Variants in FMN2 observed in about 807,000 individuals in gnomAD.
FMN2 encodes formin-2.
A neutral mutation model predicts 142.3 loss-of-function variants in FMN2; 51 were observed. The observed-to-expected ratio is 0.36, with a 90% confidence interval of 0.29 to 0.45. The LOEUF (loss-of-function observed/expected upper bound fraction) is 0.45. Among genes scored for constraint, FMN2 ranks in the 20% least tolerant of loss-of-function variants. The probability of loss-of-function intolerance (pLI) is 1.00; values close to 1 mark genes in which losing one functional copy is unlikely to be tolerated. For missense variants in FMN2, 1,936 were observed against 2,122.8 expected (o/e 0.91, Z 1.73); for synonymous variants, 882 against 869.8 (o/e 1.01, Z -0.25).
At chr1:240,344,648 C>T (rs1044889920) in intron 13 of FMN2, among the ~76,000 whole-genome samples, 2 of 152,056 alleles carry the variant, frequency 1.3e-5, no homozygotes, top group African/African-American at 4.8e-5. Context: ...TCATTCAAGT[C>T]ATTAGTCGTT....
In FMN2 at chr1:240,207,623, ACCCGGAGCGGGAATACCTCCTCC is replaced by A. The variant is rs1666436829; in HGVS notation, c.2812_2834del (p.Pro938AlafsTer307). The A allele has an allele frequency of 8.9e-7, 1 of 1,125,830 alleles. No homozygotes were observed. The highest frequency in any genetic ancestry group is 3.2e-5 in the African/African-American group (1 of 31,192). 69.7% of individuals were successfully genotyped at this position (1,125,830 alleles called of 1,614,324 possible). A position where few individuals can be genotyped will look rare whatever the true frequency, so the allele number is the denominator to read the frequency against. ...CAGGCATACTCCCTCTGCCCCCTCT[ACCCGGAGCGGGAATACCTCCTCC>A]GCCCCCTCTACCCGGAGCGGCAATA... On this transcript the variant is annotated frameshift_variant, in exon 5 of 18. Coordinates refer to ENST00000319653, the MANE Select transcript of FMN2 (RefSeq NM_020066.5). LOFTEE classifies it high-confidence loss of function.
chr1:240,141,516 C>T (rs543564363), intron 2 of FMN2, among the ~76,000 whole-genome samples: 64 of 151,912 alleles, frequency 4.2e-4, no homozygotes, highest in African/African-American at 1.4e-3. Flanking sequence ...TACAGGTGCC[C>T]GCCACCACAC....
intron 11 of FMN2, among the ~76,000 whole-genome samples, chr1:240,333,062 C>T (rs1055070992): frequency 2.0e-5 from 3 of 152,028 alleles, no homozygotes; most frequent in African/African-American, 7.2e-5. Flanking sequence ...TTAAACATTC[C>T]AGAGAATGTA....
intron 2 of FMN2, among the ~76,000 whole-genome samples, 171 bp downstream of exon 2, chr1:240,123,516 A>AAAAG (rs1553327808): frequency 1.3e-5 from 2 of 151,364 alleles, no homozygotes; most frequent in Non-Finnish European, 2.9e-5. Context: ...AAAAAAAAAA[A>AAAAG]AAAAAAGAAA....
Position 240,294,804 on chromosome 1 carries a change from C to A in FMN2, c.4154-18C>A, listed in dbSNP as rs1284511779. ...CAGGTGGCTTATGGCAATTTATATT[C>A]TTCTTTTTTTTCCACAGCTGTTGTG... On this transcript the variant is annotated intron_variant, in intron 7 of 17. Coordinates refer to ENST00000319653, the MANE Select transcript of FMN2 (RefSeq NM_020066.5). The A allele has an allele frequency of 2.5e-6, 4 of 1,613,376 alleles. No individual in the cohort carries two copies. Among genetic ancestry groups the A allele is most frequent in the Non-Finnish European group, 2.5e-6 (3 of 1,179,464 alleles).
chr1:240,198,731 C>T (rs1252526279), intron 4 of FMN2, among the ~76,000 whole-genome samples: 1 of 152,144 alleles, frequency 6.6e-6, no homozygotes. Context: ...ATCTCTTTCC[C>T]TATGGGATCA....
intron 15 of FMN2, among the ~76,000 whole-genome samples, chr1:240,430,062 T>G (rs1354261168): frequency 6.6e-6 from 1 of 151,682 alleles, no homozygotes; most frequent in Non-Finnish European, 1.5e-5. Context: ...ACGTTTTGTG[T>G]TTTTTAGTAG....
chr1:240,451,327 C>T (rs555509206), intron 16 of FMN2, among the ~76,000 whole-genome samples: 1 of 149,740 alleles, frequency 6.7e-6, no homozygotes, highest in East Asian at 2.0e-4. Flanking sequence ...ACACTGCACT[C>T]TAGACTGGGT....
At chr1:240,335,321 A>C (rs925640644) in intron 13 of FMN2, among the ~76,000 whole-genome samples, 1 of 152,220 alleles carries the variant, frequency 6.6e-6, no homozygotes, top group African/African-American at 2.4e-5. Flanking sequence ...ACTGAGGCCA[A>C]GAAAGACTGC....
chr1:240,296,436 T>G lies in FMN2; in HGVS notation c.4215+1553T>G, dbSNP rs12737632. ...CTATTTTGGGTCTAATATCTTTGAG[T>G]GCTTTTTTTTTTTTTTTTTTTTTTT... On this transcript the variant is annotated intron_variant, in intron 8 of 17. Transcript: ENST00000319653. Among the ~76,000 whole-genome samples the G allele has an allele frequency of 1.1e-4, 14 of 127,830 alleles. 1 individual carries two copies. In the South Asian group the frequency reaches 3.1e-3, roughly 28 times the overall value. The allele number at this position is 127,830 out of a possible 152,430, so 83.9% of individuals were successfully genotyped here. A position where few individuals can be genotyped will look rare whatever the true frequency, so the allele number is the denominator to read the frequency against.
chr1:240,286,822 T>G (rs1207913476), intron 7 of FMN2, among the ~76,000 whole-genome samples: 1 of 152,176 alleles, frequency 6.6e-6, no homozygotes, highest in African/African-American at 2.4e-5. Context: ...TAGTAGTCGT[T>G]CACTTTCAAA....
At chr1:240,384,789 T>G (rs545587538) in intron 14 of FMN2, among the ~76,000 whole-genome samples, 92 of 152,338 alleles carry the variant, frequency 6.0e-4, no homozygotes, top group African/African-American at 2.1e-3. Flanking sequence ...TTTTAATTGC[T>G]AATTTCCTGA....
rs12084275 is a variant in FMN2, at chr1:240,431,006, G to A, written c.4911-7055G>A. Reference sequence around the variant, plus strand: ...TTAAAAAAAAAAAAAACTCTTGATTGGGATTGCCTTGAATCCATAGAACAA... The same window carrying A: ...TTAAAAAAAAAAAAAACTCTTGATTAGGATTGCCTTGAATCCATAGAACAA... On this transcript the variant is annotated intron_variant, in intron 15 of 17. Transcript: ENST00000319653. 7.8e-3 allele frequency among the ~76,000 whole-genome samples: 1,155 copies of A among 147,308 alleles called. 12 individuals are homozygous for A. Among genetic ancestry groups the A allele is most frequent in the African/African-American group, 0.028 (1,112 of 39,300 alleles).
intron 3 of FMN2, among the ~76,000 whole-genome samples, chr1:240,184,927 T>C (rs12143258): frequency 6.0e-4 from 69 of 115,352 alleles, no homozygotes; most frequent in African/African-American, 1.9e-3. Flanking sequence ...ATGTTCCCTT[T>C]ACTTTCTCCC....
chr1:240,290,127 T>A (rs1328544579), intron 7 of FMN2, among the ~76,000 whole-genome samples: 3 of 152,154 alleles, frequency 2.0e-5, no homozygotes, highest in Non-Finnish European at 4.4e-5. Flanking sequence ...TTGAATTGCT[T>A]TATTCTTTTA....
rs188517311 is a variant in FMN2, at chr1:240,204,055, C to T, written c.1987-2744C>T. Among the ~76,000 whole-genome samples, 7 of 151,994 alleles carry T rather than the reference C, an allele frequency of 4.6e-5. No homozygotes were observed. In the East Asian group the frequency reaches 1.2e-3, roughly 25 times the overall value. On this transcript the variant is annotated intron_variant, in intron 4 of 17. Transcript: ENST00000319653. Reference sequence around the variant, plus strand: ...ACATATAAATTCTCAAAAATCTTGCCTATGAAAGTGTGTTACATTCCTTTA... The same window carrying T: ...ACATATAAATTCTCAAAAATCTTGCTTATGAAAGTGTGTTACATTCCTTTA...
At chr1:240,263,528 TCA>T (rs1668697616) in intron 7 of FMN2, among the ~76,000 whole-genome samples, 1 of 152,162 alleles carries the variant, frequency 6.6e-6, no homozygotes, top group African/African-American at 2.4e-5. Flanking sequence ...GACTTTAATT[TCA>T]CCATTGAAAG....
chr1:240,190,980 C>A (rs1665674850), intron 4 of FMN2, among the ~76,000 whole-genome samples: 1 of 152,060 alleles, frequency 6.6e-6, no homozygotes, highest in Non-Finnish European at 1.5e-5. Flanking sequence ...GATGGCAGTT[C>A]TGTATCTCTA....
At position 240,207,142 on chromosome 1, in the gene FMN2, C is replaced by G; in HGVS notation, c.2330C>G (p.Pro777Arg). 1 of 1,614,088 alleles carries G rather than the reference C, an allele frequency of 6.2e-7. No individual in the cohort carries two copies. The highest frequency in any genetic ancestry group is 1.1e-5 in the South Asian group (1 of 91,080). ...TGCCCCCCTGGGGCTGAAAGTGGAC[C>G]TCAGACAAAGTTCTGTTCAGAGATT... is the stretch of plus-strand genomic sequence containing the variant. ...PPCPPGAESG[P>R]QTKFCSEISL... Residue 777 changes from proline (P) to arginine (R), a missense_variant, in exon 5 of 18, where the codon CCT becomes CGT. Physicochemically the swap from Pro to Arg is moderately radical, Grantham distance 103 (BLOSUM62 -2). This residue lies in a region of FMN2 where 478 missense variants were observed against 462.8 expected (regional missense o/e 1.03). Coordinates refer to ENST00000319653, the MANE Select transcript of FMN2 (RefSeq NM_020066.5).
Sources: gnomAD v4.1 joint callset for allele counts (sites outside exome capture counted in the v4.1 genomes callset) on GRCh38, gnomAD v4.1.1 for gene constraint, gnomAD v4.1.1 regional missense constraint, MANE v1.5 for transcripts, NCBI Gene and HGNC (gene_info 2026-07-23, HGNC 2026-07-21) for gene names.